RBM45: variants seen among roughly 807,000 people sequenced by gnomAD.
RBM45 encodes RNA-binding protein 45.
RBM45 carries 39 observed loss-of-function variants against 58.5 expected under a neutral mutation model. The observed-to-expected ratio is 0.67, with a 90% CI of 0.52 to 0.87. The LOEUF is 0.87. RBM45 is among the 40% of genes least tolerant of loss of function. The probability of loss-of-function intolerance (pLI) is 0.00; values close to 1 mark genes in which losing one functional copy is unlikely to be tolerated. For missense variants in RBM45, 481 were observed against 581.6 expected (o/e 0.83, Z 1.78); for synonymous variants, 193 against 203.0 (o/e 0.95, Z 0.42).
chr2:178,120,990 G>A, intron 4 of RBM45, 190 bp from the exon 5 acceptor site: 1 of 399,896 alleles, frequency 2.5e-6, no homozygotes, highest in Non-Finnish European at 4.4e-6. Flanking sequence ...CTGCATTAAA[G>A]GTAGGGGAGT....
Position 178,126,023 on chromosome 2 carries a change from A to G in RBM45, c.1272A>G (p.Gly424=). The change falls in exon 9 of 10, where the codon GGA becomes GGG. Residue 424 remains glycine, a synonymous_variant. Transcript: ENST00000286070. ...GNLIEVYLVS[G]KNVGYAKYAD... The stretch of plus-strand genomic sequence containing the variant: ...TGATCGAAGTTTACCTTGTGTCAGG[A>G]AAAAATGTGGGGTATGCCAAGTATG... The G allele has an allele frequency of 7.4e-6, 12 of 1,613,508 alleles. No individual in the cohort carries two copies. The highest frequency in any genetic ancestry group is 9.3e-6 in the Non-Finnish European group (11 of 1,179,698).
At chr2:178,118,280 C>A in intron 3 of RBM45, 99 bp downstream of exon 3, 3 of 1,178,452 alleles carry the variant, frequency 2.5e-6, no homozygotes, top group Non-Finnish European at 2.3e-6. Context: ...ACTGTATCTG[C>A]TAATGTAATT....
At chr2:178,136,406 T>G (rs934166757) in intron 3 of RBM45, 2 of 152,246 alleles carry the variant, frequency 1.3e-5, no homozygotes, top group African/African-American at 4.8e-5. Context: ...ACTGTTAATT[T>G]GAGACAGCTA....
rs774441883 is a variant in RBM45, at chr2:178,120,471, T to G, written c.673+62T>G. 4 of 1,435,320 alleles carry G rather than the reference T, an allele frequency of 2.8e-6. No homozygotes were observed. In the East Asian group the frequency reaches 9.6e-5, roughly 35 times the overall value. 88.9% of individuals were successfully genotyped at this position (1,435,320 alleles called of 1,614,324 possible). On this transcript the variant is annotated intron_variant, in intron 4 of 9. Transcript: ENST00000286070. ...AGTATATGCAATCTAATTTGGGTTT[T>G]AAAGAATACTCTGTTATTGGGCATC...
downstream of RBM45, among the ~76,000 whole-genome samples, chr2:178,132,281 A>G (rs334061): frequency 0.43 from 66,070 of 152,090 alleles, 15,763 homozygotes; most frequent in East Asian, 0.65. Context: ...AATTTTTCAA[A>G]GTTAAATACA....
In RBM45 at chr2:178,119,502, T is replaced by C. The variant is rs548886088; in HGVS notation, c.551-785T>C. 2.6e-5 allele frequency among the ~76,000 whole-genome samples: 4 copies of C among 152,336 alleles called. No homozygotes were observed. In the East Asian group the frequency reaches 7.7e-4, roughly 29 times the overall value. On this transcript the variant is annotated intron_variant, in intron 3 of 9. Transcript: ENST00000286070. ...TAGGTACATTGGAACATGGGAACCA[T>C]ATATTGGAGGTTAGGAAAAGTTCAA...
chr2:178,113,252 C>T (rs1193913324), intron 1 of RBM45, among the ~76,000 whole-genome samples: 3 of 152,158 alleles, frequency 2.0e-5, no homozygotes, highest in Non-Finnish European at 2.9e-5. Flanking sequence ...ATATAAAAAA[C>T]GGAAAAACTC....
intron 2 of RBM45, 22 bp downstream of exon 2, chr2:178,116,406 C>T (rs2087778001): frequency 6.3e-7 from 1 of 1,593,266 alleles, no homozygotes; most frequent in East Asian, 2.2e-5. Flanking sequence ...AATCAGCTAG[C>T]ATATGTGATA....
intron 9 of RBM45, among the ~76,000 whole-genome samples, chr2:178,127,030 G>A (rs549254231): frequency 6.6e-6 from 1 of 152,000 alleles, no homozygotes; most frequent in Non-Finnish European, 1.5e-5. Context: ...TCCACCTCCT[G>A]GATACAAGTG....
At chr2:178,134,768 G>T (rs1308749208) in intron 3 of RBM45, among the ~76,000 whole-genome samples, 4 of 152,146 alleles carry the variant, frequency 2.6e-5, no homozygotes, top group Non-Finnish European at 5.9e-5. Flanking sequence ...GAGGTGGGCG[G>T]ATCACTTGAG....
At chr2:178,134,765 G>C (rs1172257754) in intron 3 of RBM45, among the ~76,000 whole-genome samples, 9 of 152,162 alleles carry the variant, frequency 5.9e-5, no homozygotes, top group Non-Finnish European at 1.0e-4. Context: ...GCTGAGGTGG[G>C]CGGATCACTT....
chr2:178,113,132 CT>C (rs1383468532), intron 1 of RBM45, among the ~76,000 whole-genome samples: 3 of 152,184 alleles, frequency 2.0e-5, no homozygotes, highest in Non-Finnish European at 4.4e-5. Context: ...TGGGCTTCCC[CT>C]CTCCCTCGCC....
chr2:178,130,644 A>G (rs1428964876), downstream of RBM45, among the ~76,000 whole-genome samples: 1 of 152,234 alleles, frequency 6.6e-6, no homozygotes, highest in Admixed American at 6.5e-5. Flanking sequence ...AAAAAGGTAT[A>G]TCTAAATCAA....
intron 9 of RBM45, 46 bp from the exon 10 acceptor site, chr2:178,129,350 TC>T (rs2087977508): frequency 1.3e-5 from 2 of 152,576 alleles, no homozygotes; most frequent in Admixed American, 1.3e-4. Flanking sequence ...CTATTTCCTT[TC>T]CTTTCAGGTG....
intron 5 of RBM45, among the ~76,000 whole-genome samples, chr2:178,121,823 C>T (rs1012804432): frequency 6.6e-6 from 1 of 152,180 alleles, no homozygotes; most frequent in Non-Finnish European, 1.5e-5. Context: ...CATCTAAATG[C>T]CCTGCTTCTC....
rs1237464932 is a variant in RBM45, at chr2:178,124,166, C to T, written c.1108C>T (p.Gln370Ter). 6.2e-7 allele frequency: 1 copy of T among 1,604,496 alleles called. No homozygotes were observed. The highest frequency in any genetic ancestry group is 1.3e-5 in the African/African-American group (1 of 74,206). ...CTCTGGATCACAGTTGCCTCAAATC[C>T]AGACAGATGTTGTACTTCCATCATG... ...GSSGSQLPQIQTDVVLPSCKK... is the reference protein window; with the variant it reads ...GSSGSQLPQI The change falls in exon 8 of 10, where the codon CAG becomes TAG. Residue 370 changes from glutamine to a stop codon, truncating the protein, a stop_gained. Coordinates refer to ENST00000286070, the MANE Select transcript of RBM45 (RefSeq NM_152945.4). LOFTEE classifies it high-confidence loss of function.
At position 178,113,628 on chromosome 2, in the gene RBM45, G is replaced by A. The variant is rs140141849; in HGVS notation, c.300+782G>A. On this transcript the variant is annotated intron_variant, in intron 1 of 9. Transcript: ENST00000286070. The stretch of plus-strand genomic sequence containing the variant: ...TTTTGAGGGTTATTTGACATAATAT[G>A]TGCTGTCAGCACAGTGCCTCACACA... Among the ~76,000 whole-genome samples, 638 of 152,258 alleles carry A rather than the reference G, an allele frequency of 4.2e-3. 5 individuals carry two copies. Among genetic ancestry groups the A allele is most frequent in the Non-Finnish European group, 7.5e-3 (513 of 68,002 alleles).
intron 3 of RBM45, among the ~76,000 whole-genome samples, chr2:178,118,793 A>T (rs1390894286): frequency 6.6e-6 from 1 of 152,158 alleles, no homozygotes; most frequent in Non-Finnish European, 1.5e-5. Context: ...AGAGTAATTA[A>T]ATTACTGGAT....
At chr2:178,124,743 G>A (rs2087904011) in intron 8 of RBM45, among the ~76,000 whole-genome samples, 1 of 152,204 alleles carries the variant, frequency 6.6e-6, no homozygotes, top group African/African-American at 2.4e-5. Context: ...TTGCCCAGGA[G>A]GTCGAGGTTG....
Sources: allele counts gnomAD v4.1 joint callset (sites outside exome capture counted in the v4.1 genomes callset), GRCh38; gene constraint gnomAD v4.1.1; transcripts MANE v1.5; gene names NCBI Gene and HGNC (gene_info 2026-07-23, HGNC 2026-07-21).